Variants in CIT observed in about 807,000 individuals in gnomAD.
CIT encodes the protein citron Rho-interacting kinase.
Under a neutral mutation model 272.7 loss-of-function variants are expected in CIT, and 79 were observed. The observed-to-expected ratio is 0.29, with a 90% CI of 0.24 to 0.35. The LOEUF (loss-of-function observed/expected upper bound fraction) is 0.35. Among genes scored for constraint, CIT ranks in the 10% least tolerant of loss-of-function variants. The pLI is 1.00. For missense variants in CIT, 1,909 were observed against 2,618.3 expected, an observed-to-expected ratio of 0.73 and a Z score of 5.91; for synonymous variants, 948 against 995.6, an observed-to-expected ratio of 0.95 and a Z score of 0.90.
At chr12:119,862,855 A>AAACC (rs1950396868) in intron 3 of CIT, among the ~76,000 whole-genome samples, 1 of 146,864 alleles carries the variant, frequency 6.8e-6, no homozygotes, top group African/African-American at 2.5e-5. Flanking sequence ...AAACCAAAAA[A>AAACC]AAAAACGAGG....
intron 5 of CIT, among the ~76,000 whole-genome samples, chr12:119,839,438 T>G (rs1969247099): frequency 6.6e-6 from 1 of 152,212 alleles, no homozygotes; most frequent in Admixed American, 6.5e-5. Context: ...GTAATGACGC[T>G]GGCGGCATCG....
chr12:119,692,399 T>A (rs1956002244), intron 46 of CIT, among the ~76,000 whole-genome samples: 1 of 152,280 alleles, frequency 6.6e-6, no homozygotes, highest in African/African-American at 2.4e-5. Flanking sequence ...AACTTGTTCA[T>A]TTCTTTCTTC....
chr12:119,867,671 C>G (rs1024009632), intron 3 of CIT, among the ~76,000 whole-genome samples: 1 of 152,126 alleles, frequency 6.6e-6, no homozygotes, highest in Non-Finnish European at 1.5e-5. Flanking sequence ...CATTAACTGA[C>G]AGTAGGACCC....
intron 5 of CIT, among the ~76,000 whole-genome samples, chr12:119,844,327 T>C (rs762749003): frequency 3.9e-5 from 6 of 152,018 alleles, no homozygotes; most frequent in Admixed American, 6.6e-5. Context: ...CAGCCATACA[T>C]ACAGTTTATA....
rs527703105 is a variant in CIT, at chr12:119,718,849, G to A, written c.3853C>T (p.Arg1285Ter). The A allele has an allele frequency of 1.2e-5, 20 of 1,614,050 alleles. No individual in the cohort carries two copies. Among genetic ancestry groups the A allele is most frequent in the African/African-American group, 2.7e-5 (2 of 75,010 alleles). ...PAKKKKGLFS[R>*]RKEDPALPTQ... The stretch of plus-strand genomic sequence containing the variant: ...GGTAAAGCAGGGTCCTCTTTCCGTC[G>A]ACTAAATAAACCCTAGCAATGGAAA... Residue 1285 changes from arginine (R) to a stop codon, truncating the protein, a stop_gained, in exon 31 of 48, where the codon CGA becomes TGA. Coordinates refer to ENST00000392521, the MANE Select transcript of CIT (RefSeq NM_001206999.2). LOFTEE classifies it high-confidence loss of function. The surrounding 1 kb of genome is among the most constrained non-coding windows in gnomAD (Gnocchi z 4.8).
Position 119,712,441 on chromosome 12 carries a change from C to A in CIT, c.4685-94G>T, listed in dbSNP as rs924779433. ...GAGAGATCAAAGATGCCCACCAAAC[C>A]ACGCAAATCCCAGTTACCGCCAAGG... is the stretch of plus-strand genomic sequence containing the variant. On this transcript the variant is annotated intron_variant, in intron 36 of 47. Coordinates refer to ENST00000392521, the MANE Select transcript of CIT (RefSeq NM_001206999.2). The surrounding 1 kb of genome is among the most constrained non-coding windows in gnomAD (Gnocchi z 5.2). 33 of 1,451,024 alleles carry A rather than the reference C, an allele frequency of 2.3e-5. No homozygotes were observed. Among genetic ancestry groups the A allele is most frequent in the Non-Finnish European group, 2.9e-5 (31 of 1,060,594 alleles). 89.9% of individuals were successfully genotyped at this position (1,451,024 alleles called of 1,614,324 possible).
In CIT at chr12:119,718,989, A is replaced by G; in HGVS notation, c.3841-128T>C. Reference sequence around the variant, plus strand: ...CATACTCACTGTAAGTGTATTTAGTAAAAATGGCATGTGAAGGGGGGGAAG... The same window carrying G: ...CATACTCACTGTAAGTGTATTTAGTGAAAATGGCATGTGAAGGGGGGGAAG... On this transcript the variant is annotated intron_variant, in intron 30 of 47. Transcript: ENST00000392521. The surrounding 1 kb of genome is among the most constrained non-coding windows in gnomAD (Gnocchi z 4.8). The G allele has an allele frequency of 1.1e-6, 1 of 919,542 alleles. No homozygotes were observed. Among genetic ancestry groups the G allele is most frequent in the Non-Finnish European group, 1.6e-6 (1 of 611,614 alleles). 57.0% of individuals were successfully genotyped at this position (919,542 alleles called of 1,614,324 possible). A position where few individuals can be genotyped will look rare whatever the true frequency, so the allele number is the denominator to read the frequency against.
At chr12:119,692,359 C>A (rs931304767) in intron 46 of CIT, among the ~76,000 whole-genome samples, 5 of 152,230 alleles carry the variant, frequency 3.3e-5, no homozygotes, top group Non-Finnish European at 5.9e-5. Flanking sequence ...TATTTAAATC[C>A]TTCTCATTGG....
In CIT at chr12:119,836,284, T is replaced by TAAAAAAAAAAAAAAAAAA. The variant is rs201559880; in HGVS notation, c.517-2074_517-2057dup. Among the ~76,000 whole-genome samples the TAAAAAAAAAAAAAAAAAA allele has an allele frequency of 7.6e-4, 32 of 42,252 alleles. 1 individual carries two copies. Among genetic ancestry groups the TAAAAAAAAAAAAAAAAAA allele is most frequent in the African/African-American group, 3.2e-3 (31 of 9,840 alleles). The allele number at this position is 42,252 out of a possible 152,430, so 27.7% of individuals were successfully genotyped here. On this transcript the variant is annotated intron_variant, in intron 5 of 47. Transcript: ENST00000392521. ...CCTGGCAACAGAGCGAGACTCCATC[T>TAAAAAAAAAAAAAAAAAA]AAAAAAAAAAAAAAAAAAAAAAAAA...
chr12:119,708,407 A>T, intron 39 of CIT, 89 bp from the exon 40 acceptor site: 2 of 1,298,890 alleles, frequency 1.5e-6, no homozygotes, highest in Non-Finnish European at 2.0e-6. Flanking sequence ...CACAAGTAAA[A>T]GTCACAAGAG....
chr12:119,823,491 A>G lies in CIT; in HGVS notation c.958-518T>C, dbSNP rs140353658. Among the ~76,000 whole-genome samples, 39 of 152,290 alleles carry G rather than the reference A, an allele frequency of 2.6e-4. 1 individual carries two copies. Among genetic ancestry groups the G allele is most frequent in the African/African-American group, 9.4e-4 (39 of 41,560 alleles). ...CTGCTACCTAACAGTACCTGGTATG[A>G]TAACGCACTCGTTATTGAATGATTG... On this transcript the variant is annotated intron_variant, in intron 8 of 47. Coordinates refer to ENST00000392521, the MANE Select transcript of CIT (RefSeq NM_001206999.2).
Position 119,713,058 on chromosome 12 carries a change from G to C in CIT, c.4579+145C>G, listed in dbSNP as rs1957253044. The C allele has an allele frequency of 8.6e-6, 6 of 699,496 alleles. No individual in the cohort carries two copies. In the South Asian group the frequency reaches 1.1e-4, roughly 12 times the overall value. The allele number at this position is 699,496 out of a possible 1,614,324, so 43.3% of individuals were successfully genotyped here. ...GTGAGTATCGCACCAATAACCTTTA[G>C]AGAAGTCATTTGGTTTGTAAGTTTC... On this transcript the variant is annotated intron_variant, in intron 35 of 47. Transcript: ENST00000392521. This position sits in a 1 kb window ranked among gnomAD's most constrained non-coding sequence, Gnocchi z 5.2.
intron 9 of CIT, chr12:119,803,988 CTT>C (rs112424246): frequency 1.8e-3 from 331 of 181,112 alleles, no homozygotes; most frequent in Non-Finnish European, 3.0e-3. Flanking sequence ...TTATTAACCA[CTT>C]TTTTTTTTTT....
chr12:119,803,134 C>A lies in CIT; in HGVS notation c.1295+72G>T, dbSNP rs540062072. The A allele has an allele frequency of 8.0e-6, 3 of 373,386 alleles. No homozygotes were observed. The Admixed American group carries it at 1.3e-4, about 17-fold the overall frequency. The allele number at this position is 373,386 out of a possible 1,614,324, so 23.1% of individuals were successfully genotyped here. A position where few individuals can be genotyped will look rare whatever the true frequency, so the allele number is the denominator to read the frequency against. On this transcript the variant is annotated intron_variant, in intron 10 of 47. Transcript: ENST00000392521. ...CTCCCCCCACCTATTCCCCCACCCC[C>A]CCACCACCACCTTTGGCTCCAAAAG...
intron 28 of CIT, among the ~76,000 whole-genome samples, chr12:119,724,230 A>C (rs1254082585): frequency 6.6e-6 from 1 of 152,238 alleles, no homozygotes; most frequent in Non-Finnish European, 1.5e-5. Flanking sequence ...GGAACATTGC[A>C]AGGACTGTAA....
intron 30 of CIT, among the ~76,000 whole-genome samples, chr12:119,720,215 G>T (rs1957754232): frequency 6.6e-6 from 1 of 152,136 alleles, no homozygotes; most frequent in South Asian, 2.1e-4. Context: ...TGTGGGCTGG[G>T]GAGGGATTAC....
chr12:119,708,134 A>C (rs777332126), intron 40 of CIT, 45 bp downstream of exon 40: 3 of 1,461,620 alleles, frequency 2.1e-6, no homozygotes, highest in Middle Eastern at 4.3e-4. Flanking sequence ...AGGTAGTGTC[A>C]ATTTCCAGAA....
intron 9 of CIT, among the ~76,000 whole-genome samples, chr12:119,808,210 GA>G (rs1393663559): frequency 2.0e-5 from 3 of 150,884 alleles, no homozygotes; most frequent in Admixed American, 6.6e-5. Flanking sequence ...AAAAATATTC[GA>G]AAAAAAACAA....
chr12:119,830,623 C>G (rs930521837), intron 7 of CIT, among the ~76,000 whole-genome samples: 15 of 152,276 alleles, frequency 9.9e-5, no homozygotes, highest in African/African-American at 3.1e-4. Flanking sequence ...TTCCCCCAAC[C>G]CTCCTACCCC....
Sources: gnomAD v4.1 joint callset for allele counts (sites outside exome capture counted in the v4.1 genomes callset) on GRCh38, gnomAD v4.1.1 for gene constraint, Gnocchi (gnomAD v3.1) non-coding constraint, MANE v1.5 for transcripts, NCBI Gene and HGNC (gene_info 2026-07-23, HGNC 2026-07-21) for gene names.